The following SERINC5 variants were observed in gnomAD, a reference collection of about 807,000 sequenced individuals.
The protein encoded by SERINC5 is chromosome 5 open reading frame 12.
Under a neutral mutation model 63.1 loss-of-function variants are expected in SERINC5, and 41 were observed. That is an observed-to-expected ratio of 0.65 (90% CI 0.51 to 0.84). The LOEUF (loss-of-function observed/expected upper bound fraction) is 0.84. Among genes scored for constraint, SERINC5 ranks in the 40% least tolerant of loss-of-function variants. SERINC5 has a pLI of 0.00. For synonymous variants in SERINC5, 222 were observed against 215.2 expected (o/e 1.03, Z -0.28); for missense variants, 523 against 573.0 (o/e 0.91, Z 0.89).
intron 11 of SERINC5, among the ~76,000 whole-genome samples, chr5:80,131,645 G>C (rs535522538): frequency 6.6e-6 from 1 of 152,270 alleles, no homozygotes; most frequent in South Asian, 2.1e-4. Flanking sequence ...GGTCATGCAG[G>C]GTTTTGTAGA....
chr5:80,243,074 G>A (rs1366852499), intron 1 of SERINC5, among the ~76,000 whole-genome samples: 2 of 152,182 alleles, frequency 1.3e-5, no homozygotes, highest in African/African-American at 2.4e-5. Flanking sequence ...GATCTCAGTC[G>A]TGGGCTTTTT....
At chr5:80,130,504 C>G (rs1190973445) in intron 11 of SERINC5, among the ~76,000 whole-genome samples, 1 of 152,198 alleles carries the variant, frequency 6.6e-6, no homozygotes, top group African/African-American at 2.4e-5. Context: ...AGGGCCCTAT[C>G]TGTAATTACA....
chr5:80,142,399 A>G lies in SERINC5; in HGVS notation c.*1264T>C. On this transcript the variant is annotated 3_prime_UTR_variant, in exon 12 of 12. Coordinates refer to ENST00000507668, the MANE Select transcript of SERINC5 (RefSeq NM_001174072.3). ...AGGCACACGCTACCATGCCCGGCTA[A>G]TTTTTCTATTTTTAATAGAGACAGG... The G allele has an allele frequency of 1.1e-6, 1 of 882,624 alleles. No homozygotes were observed. Among genetic ancestry groups the G allele is most frequent in the Non-Finnish European group, 1.4e-6 (1 of 736,316 alleles). 54.7% of individuals were successfully genotyped at this position (882,624 alleles called of 1,614,324 possible).
intron 1 of SERINC5, among the ~76,000 whole-genome samples, chr5:80,214,828 CA>C (rs938893819): frequency 6.6e-6 from 1 of 152,124 alleles, no homozygotes; most frequent in African/African-American, 2.4e-5. Context: ...ACCCAGGAGG[CA>C]GAGGTTGCAG....
chr5:80,164,453 C>G (rs1747139745), intron 7 of SERINC5, among the ~76,000 whole-genome samples: 1 of 152,102 alleles, frequency 6.6e-6, no homozygotes, highest in South Asian at 2.1e-4. Context: ...GAGCTCACAG[C>G]TCACTGCAGC....
Position 80,203,024 on chromosome 5 carries a change from G to C in SERINC5, c.57C>G (p.Cys19Trp), listed in dbSNP as rs745509189. 1.9e-6 allele frequency: 3 copies of C among 1,611,772 alleles called. No individual in the cohort carries two copies. The highest frequency in any genetic ancestry group is 1.7e-4 in the Middle Eastern group (1 of 6,058). The change falls in exon 2 of 12, where the codon TGC becomes TGG. Residue 19 changes from cysteine to tryptophan, a missense_variant. Physicochemically the swap from Cys to Trp is radical, Grantham distance 215. Coordinates refer to ENST00000507668, the MANE Select transcript of SERINC5 (RefSeq NM_001174072.3). ...QLACCCGSAG[C>W]SLCCDCCPRI... ...TGGGGCAGCAATCACAGCAGAGAGA[G>C]CAGCCTGCAGACCCACAGCAGCAGG...
At chr5:80,190,189 G>A (rs990867342) in intron 2 of SERINC5, among the ~76,000 whole-genome samples, 1 of 139,404 alleles carries the variant, frequency 7.2e-6, no homozygotes, top group Non-Finnish European at 1.5e-5. Context: ...TCGGCTCACT[G>A]CAACCTCCAC....
Position 80,220,226 on chromosome 5 carries a change from A to T in SERINC5, c.28-17173T>A, listed in dbSNP as rs540292526. Among the ~76,000 whole-genome samples the T allele has an allele frequency of 3.7e-3, 334 of 90,156 alleles. 3 individuals carry two copies. The highest frequency in any genetic ancestry group is 0.013 in the African/African-American group (286 of 21,760). 59.1% of individuals were successfully genotyped at this position (90,156 alleles called of 152,430 possible). A position where few individuals can be genotyped will look rare whatever the true frequency, so the allele number is the denominator to read the frequency against. The stretch of plus-strand genomic sequence containing the variant: ...CTGTCTCAATAAATAAAAATAAAAA[A>T]AAAAAAGAGAGAGAGAGATAGAAAC... On this transcript the variant is annotated intron_variant, in intron 1 of 11. Coordinates refer to ENST00000507668, the MANE Select transcript of SERINC5 (RefSeq NM_001174072.3).
chr5:80,176,126 G>A (rs1027263361), intron 4 of SERINC5, among the ~76,000 whole-genome samples: 1 of 151,344 alleles, frequency 6.6e-6, no homozygotes, highest in South Asian at 2.1e-4. Context: ...CTGCAGTGAG[G>A]CGAGATCGTG....
At chr5:80,200,341 C>T (rs1178747689) in intron 2 of SERINC5, among the ~76,000 whole-genome samples, 3 of 138,262 alleles carry the variant, frequency 2.2e-5, no homozygotes, top group Non-Finnish European at 4.8e-5. Flanking sequence ...AAAAAATTAG[C>T]CAGGCGTGGT....
intron 1 of SERINC5, among the ~76,000 whole-genome samples, chr5:80,240,668 GATTA>G (rs1490108630): frequency 6.6e-6 from 1 of 152,164 alleles, no homozygotes; most frequent in Non-Finnish European, 1.5e-5. Context: ...ACATTTGTAT[GATTA>G]ATTAAATCAT....
chr5:80,188,774 GT>G (rs1414776672), intron 2 of SERINC5, among the ~76,000 whole-genome samples: 5 of 152,084 alleles, frequency 3.3e-5, no homozygotes, highest in African/African-American at 1.2e-4. Context: ...TGTAGTCCCA[GT>G]TACTCAGGAG....
At chr5:80,211,872 C>G (rs1750447219) in intron 1 of SERINC5, among the ~76,000 whole-genome samples, 1 of 152,176 alleles carries the variant, frequency 6.6e-6, no homozygotes, top group Admixed American at 6.5e-5. Flanking sequence ...AAGAAGTATC[C>G]TAAGCAAATA....
chr5:80,239,103 T>G (rs1040764940), intron 1 of SERINC5, among the ~76,000 whole-genome samples: 1 of 152,228 alleles, frequency 6.6e-6, no homozygotes, highest in Non-Finnish European at 1.5e-5. Context: ...TAGGTGGATA[T>G]GCCACTGCCT....
At chr5:80,121,155 G>C (rs142547769) in intron 11 of SERINC5, among the ~76,000 whole-genome samples, 106 of 152,296 alleles carry the variant, frequency 7.0e-4, no homozygotes, top group Middle Eastern at 3.4e-3. Flanking sequence ...CCAAAGTACT[G>C]GGATTACAGG....
chr5:80,216,162 G>A (rs748676737), intron 1 of SERINC5, among the ~76,000 whole-genome samples: 3 of 152,140 alleles, frequency 2.0e-5, no homozygotes, highest in Admixed American at 6.5e-5. Flanking sequence ...TCAGAGCAGC[G>A]TTTCTATCAC....
downstream of SERINC5, among the ~76,000 whole-genome samples, chr5:80,134,810 T>C (rs753219795): frequency 5.2e-4 from 79 of 152,206 alleles, no homozygotes; most frequent in African/African-American, 1.8e-3. Context: ...AAAGAACAAG[T>C]GTGTTCTCAC....
intron 7 of SERINC5, among the ~76,000 whole-genome samples, chr5:80,161,510 A>G (rs938700434): frequency 2.4e-4 from 36 of 152,086 alleles, no homozygotes; most frequent in Non-Finnish European, 5.9e-5. Flanking sequence ...TAGAAAAAAA[A>G]TGAAATGTCT....
intron 1 of SERINC5, among the ~76,000 whole-genome samples, chr5:80,247,301 T>C (rs188757656): frequency 9.5e-4 from 144 of 152,302 alleles, no homozygotes; most frequent in African/African-American, 3.2e-3. Context: ...AAAGTAAAGC[T>C]TCCGTGTCTC....
Sources: allele counts gnomAD v4.1 joint callset (sites outside exome capture counted in the v4.1 genomes callset), GRCh38; gene constraint gnomAD v4.1.1; transcripts MANE v1.5; gene names NCBI Gene and HGNC (gene_info 2026-07-23, HGNC 2026-07-21).